Variants in RFX4 observed in about 807,000 individuals in gnomAD.
The protein encoded by RFX4 is transcription factor RFX4.
Under a neutral mutation model 95.0 loss-of-function variants are expected in RFX4, and 10 were observed. That is an observed-to-expected ratio of 0.11 (90% CI 0.06 to 0.18). The LOEUF is 0.18. Ranked by LOEUF, RFX4 falls within the 10% of genes least tolerant of loss-of-function variation. The pLI is 1.00. For synonymous variants in RFX4, 321 were observed against 340.7 expected (o/e 0.94, Z 0.64); for missense variants, 640 against 922.0 (o/e 0.69, Z 3.96).
chr12:106,739,373 C>A (rs2042767164), intron 15 of RFX4, among the ~76,000 whole-genome samples: 1 of 152,096 alleles, frequency 6.6e-6, no homozygotes, highest in African/African-American at 2.4e-5. Flanking sequence ...ATGGACACTT[C>A]TCCATTTTTC....
chr12:106,645,849 T>C, intron 3 of RFX4: 1 of 1,240,038 alleles, frequency 8.1e-7, no homozygotes, highest in African/African-American at 1.5e-5. Context: ...CTGAACACTT[T>C]TAGCTCTGAA....
intron 16 of RFX4, 77 bp from the exon 17 acceptor site, chr12:106,750,578 T>G: frequency 3.1e-6 from 4 of 1,283,886 alleles, no homozygotes; most frequent in Non-Finnish European, 4.1e-6. Context: ...AAAAAATAGA[T>G]GAGGTTTTTA....
At chr12:106,740,072 A>G (rs1274081090) in intron 15 of RFX4, among the ~76,000 whole-genome samples, 1 of 152,230 alleles carries the variant, frequency 6.6e-6, no homozygotes, top group African/African-American at 2.4e-5. Flanking sequence ...TGACAATAAA[A>G]GTTAACTATT....
chr12:106,594,525 G>A (rs1394229283), intron 1 of RFX4, among the ~76,000 whole-genome samples: 1 of 152,220 alleles, frequency 6.6e-6, no homozygotes, highest in African/African-American at 2.4e-5. Context: ...CTGCTACGTT[G>A]AGGTTTCCTC....
intron 17 of RFX4, among the ~76,000 whole-genome samples, chr12:106,755,612 G>A (rs995039852): frequency 5.3e-5 from 8 of 152,204 alleles, no homozygotes; most frequent in African/African-American, 1.9e-4. Context: ...TTGCCAAAGA[G>A]AAGCACACAC....
At chr12:106,653,692 C>G (rs895941984) in intron 3 of RFX4, among the ~76,000 whole-genome samples, 7 of 152,234 alleles carry the variant, frequency 4.6e-5, no homozygotes, top group Non-Finnish European at 5.9e-5. Flanking sequence ...GGTCATGAGA[C>G]CTCCCTTCAG....
At chr12:106,750,848 C>A in intron 17 of RFX4, 55 bp downstream of exon 17, 3 of 1,449,502 alleles carry the variant, frequency 2.1e-6, no homozygotes, top group South Asian at 1.7e-5. Flanking sequence ...GGTGCCAAAT[C>A]TGGTTAACAC....
intron 4 of RFX4, 40 bp from the exon 5 acceptor site, chr12:106,681,953 C>T (rs759491867): frequency 6.2e-7 from 1 of 1,609,846 alleles, no homozygotes; most frequent in Non-Finnish European, 8.5e-7. Context: ...ATGCTCCCAA[C>T]TCTTCCCAAT....
intron 13 of RFX4, among the ~76,000 whole-genome samples, chr12:106,722,036 G>A (rs1166329934): frequency 3.3e-5 from 5 of 152,178 alleles, no homozygotes; most frequent in Non-Finnish European, 7.3e-5. Flanking sequence ...CCTGCACCAT[G>A]GCTACAGATG....
chr12:106,711,211 C>T lies in RFX4; in HGVS notation c.935-242C>T, dbSNP rs576112258. On this transcript the variant is annotated intron_variant, in intron 9 of 17. Transcript: ENST00000392842. ...CCATTTCTCACACCTGCGAGTGTAT[C>T]GTGTGCATGACTTTGAAATATGTAC... Among the ~76,000 whole-genome samples, 10 of 152,250 alleles carry T rather than the reference C, an allele frequency of 6.6e-5. No individual in the cohort carries two copies. The South Asian group carries it at 1.2e-3, about 19-fold the overall frequency.
intron 2 of RFX4, among the ~76,000 whole-genome samples, chr12:106,625,789 A>G (rs1280300463): frequency 2.0e-5 from 3 of 152,260 alleles, no homozygotes; most frequent in Non-Finnish European, 4.4e-5. Flanking sequence ...TATGCTGGGC[A>G]TAATCACAAC....
intron 9 of RFX4, among the ~76,000 whole-genome samples, chr12:106,710,242 G>T (rs1425645854): frequency 6.6e-6 from 1 of 152,166 alleles, no homozygotes; most frequent in Non-Finnish European, 1.5e-5. Context: ...TGAACAAAAT[G>T]AAGGCGATCA....
At chr12:106,650,563 T>G (rs999162362) in intron 3 of RFX4, among the ~76,000 whole-genome samples, 3 of 152,098 alleles carry the variant, frequency 2.0e-5, no homozygotes, top group Non-Finnish European at 4.4e-5. Context: ...AGAAACCCTA[T>G]CTTTACTAAA....
At chr12:106,686,336 G>A (rs1052948555) in intron 5 of RFX4, among the ~76,000 whole-genome samples, 1 of 151,766 alleles carries the variant, frequency 6.6e-6, no homozygotes, top group Non-Finnish European at 1.5e-5. Context: ...GCTTGAACCC[G>A]GGAGGCGTGG....
intron 1 of RFX4, among the ~76,000 whole-genome samples, chr12:106,595,792 C>T (rs1029243149): frequency 7.2e-5 from 11 of 152,142 alleles, no homozygotes; most frequent in African/African-American, 2.2e-4. Context: ...ATTAACAGTG[C>T]GGGCTCTGGA....
At chr12:106,617,788 G>A (rs1239292307) in intron 2 of RFX4, among the ~76,000 whole-genome samples, 6 of 152,156 alleles carry the variant, frequency 3.9e-5, no homozygotes, top group Non-Finnish European at 8.8e-5. Context: ...GTGCAGTGGT[G>A]CAATCTCAGC....
intron 1 of RFX4, among the ~76,000 whole-genome samples, chr12:106,591,257 A>AAATAAATAAAAGT (rs2039538135): frequency 1.5e-5 from 2 of 129,494 alleles, no homozygotes; most frequent in Non-Finnish European, 3.2e-5. Context: ...GTGTTAAAAT[A>AAATAAATAAAAGT]GTCCCTTTTT....
intron 13 of RFX4, among the ~76,000 whole-genome samples, chr12:106,726,801 TCA>T (rs1346868701): frequency 2.0e-5 from 3 of 152,186 alleles, no homozygotes; most frequent in Admixed American, 6.5e-5. Flanking sequence ...AGACAGAGTC[TCA>T]CTCTGTTATC....
intron 2 of RFX4, among the ~76,000 whole-genome samples, chr12:106,636,561 AG>A (rs2040517915): frequency 6.6e-6 from 1 of 152,170 alleles, no homozygotes. Context: ...CATTTATTCC[AG>A]GCTGGAAAGG....
Sources: allele counts gnomAD v4.1 joint callset (sites outside exome capture counted in the v4.1 genomes callset), GRCh38; gene constraint gnomAD v4.1.1; transcripts MANE v1.5; gene names NCBI Gene and HGNC (gene_info 2026-07-23, HGNC 2026-07-21).